AIDA: variants seen among roughly 807,000 people sequenced by gnomAD.
AIDA encodes axin interactor, dorsalization-associated protein.
AIDA carries 18 observed loss-of-function variants against 42.7 expected under a neutral mutation model. The ratio of observed to expected loss-of-function variants is 0.42; its 90% CI spans 0.29 to 0.63. The LOEUF (loss-of-function observed/expected upper bound fraction) is 0.63. Ranked by LOEUF, AIDA falls within the 20% of genes least tolerant of loss-of-function variation. AIDA has a pLI of 0.19. For missense variants in AIDA, 250 were observed against 354.1 expected, an observed-to-expected ratio of 0.71 and a Z score of 2.36; for synonymous variants, 104 against 122.9, an observed-to-expected ratio of 0.85 and a Z score of 1.02.
chr1:222,704,853 A>G (rs1385425723), intron 1 of AIDA, among the ~76,000 whole-genome samples: 1 of 152,208 alleles, frequency 6.6e-6, no homozygotes, highest in East Asian at 1.9e-4. Flanking sequence ...CTGGCATAAG[A>G]ATTTGAAAAT....
intron 1 of AIDA, among the ~76,000 whole-genome samples, chr1:222,707,947 A>G (rs2124971364): frequency 1.3e-5 from 2 of 152,352 alleles, no homozygotes; most frequent in Non-Finnish European, 2.9e-5. Context: ...GCACAGCAGT[A>G]ACAGTTTACA....
chr1:222,669,535 T>A lies in AIDA; in HGVS notation c.*358A>T, dbSNP rs1230880238. 1.4e-5 allele frequency: 3 copies of A among 211,538 alleles called. No homozygotes were observed. The East Asian group carries it at 3.3e-4, about 23-fold the overall frequency. The allele number at this position is 211,538 out of a possible 1,614,324, so 13.1% of individuals were successfully genotyped here. On this transcript the variant is annotated 3_prime_UTR_variant, in exon 10 of 10. Coordinates refer to ENST00000340020, the MANE Select transcript of AIDA (RefSeq NM_022831.4). ...AACAGATGTGTAAACTCTAGCACAT[T>A]CTTATTGCTGTATTAAGTCTGAAGA...
chr1:222,679,777 C>T (rs957253781), intron 6 of AIDA, among the ~76,000 whole-genome samples: 3 of 152,334 alleles, frequency 2.0e-5, no homozygotes, highest in South Asian at 4.1e-4. Flanking sequence ...ATGACCTCCC[C>T]ATCTCAAGGT....
intron 2 of AIDA, among the ~76,000 whole-genome samples, chr1:222,701,414 T>C (rs948041844): frequency 8.5e-5 from 13 of 152,206 alleles, no homozygotes; most frequent in Non-Finnish European, 1.9e-4. Context: ...AAACATTTTT[T>C]AATTCCTTAA....
chr1:222,698,364 A>G (rs1446651702), intron 2 of AIDA, among the ~76,000 whole-genome samples: 1 of 152,236 alleles, frequency 6.6e-6, no homozygotes, highest in Non-Finnish European at 1.5e-5. Flanking sequence ...ATTTATCTAA[A>G]AAACAGAATT....
chr1:222,694,391 G>T, intron 2 of AIDA, 128 bp from the exon 3 acceptor site: 1 of 820,822 alleles, frequency 1.2e-6, no homozygotes. Context: ...TTTCTTTCTA[G>T]CATCTTTCAG....
intron 2 of AIDA, among the ~76,000 whole-genome samples, chr1:222,699,730 T>A (rs1655630474): frequency 6.6e-6 from 1 of 152,214 alleles, no homozygotes; most frequent in Non-Finnish European, 1.5e-5. Context: ...TGGCTTTTTT[T>A]GGCCCGCTGT....
chr1:222,687,148 G>A, intron 5 of AIDA, 112 bp from the exon 6 acceptor site: 3 of 1,493,576 alleles, frequency 2.0e-6, no homozygotes, highest in Non-Finnish European at 2.7e-6. Flanking sequence ...AATGCTGATA[G>A]GCCGGGTGTG....
chr1:222,685,695 G>A (rs1033141461), intron 6 of AIDA, among the ~76,000 whole-genome samples: 9 of 152,134 alleles, frequency 5.9e-5, no homozygotes, highest in African/African-American at 2.2e-4. Flanking sequence ...TTTACCCAGG[G>A]TGCTTGCCAA....
chr1:222,704,158 G>C (rs1655781283), intron 1 of AIDA, among the ~76,000 whole-genome samples: 1 of 152,178 alleles, frequency 6.6e-6, no homozygotes, highest in Non-Finnish European at 1.5e-5. Context: ...CCTTATGGGG[G>C]AAAGAGAGAG....
chr1:222,684,652 GA>G (rs545878716), intron 6 of AIDA, among the ~76,000 whole-genome samples: 34 of 152,042 alleles, frequency 2.2e-4, no homozygotes, highest in South Asian at 6.2e-4. Flanking sequence ...TTTTAGGGGG[GA>G]AAAAAATTCA....
chr1:222,686,568 G>T (rs567777185), intron 6 of AIDA, among the ~76,000 whole-genome samples: 1 of 152,294 alleles, frequency 6.6e-6, no homozygotes, highest in East Asian at 1.9e-4. Context: ...ACTGGAAGGG[G>T]ATTCTTGAAA....
At chr1:222,672,869 C>G (rs1664473769) in intron 8 of AIDA, among the ~76,000 whole-genome samples, 1 of 152,186 alleles carries the variant, frequency 6.6e-6, no homozygotes, top group Admixed American at 6.5e-5. Flanking sequence ...GGAAATGTAG[C>G]CTCACTATTT....
At chr1:222,690,337 C>T (rs921775527) in intron 4 of AIDA, among the ~76,000 whole-genome samples, 1 of 152,226 alleles carries the variant, frequency 6.6e-6, no homozygotes, top group African/African-American at 2.4e-5. Flanking sequence ...TCAATGATTA[C>T]ATTCTGGCAT....
chr1:222,704,471 T>C (rs1655790131), intron 1 of AIDA, among the ~76,000 whole-genome samples: 1 of 151,882 alleles, frequency 6.6e-6, no homozygotes, highest in Non-Finnish European at 1.5e-5. Flanking sequence ...AATTATTCAG[T>C]CAAAAAGAGG....
intron 8 of AIDA, among the ~76,000 whole-genome samples, chr1:222,672,072 G>C (rs1664458960): frequency 6.6e-6 from 1 of 152,116 alleles, no homozygotes; most frequent in Non-Finnish European, 1.5e-5. Context: ...GGAAGATTAA[G>C]TTAAAATGTT....
At chr1:222,673,947 C>A (rs1664498355) in intron 7 of AIDA, among the ~76,000 whole-genome samples, 4 of 150,912 alleles carry the variant, frequency 2.7e-5, no homozygotes, top group Admixed American at 2.0e-4. Flanking sequence ...ATTAGCCAGG[C>A]GTGGTGGTGC....
intron 2 of AIDA, 110 bp from the exon 3 acceptor site, chr1:222,694,373 A>G: frequency 1.1e-6 from 1 of 950,538 alleles, no homozygotes; most frequent in Non-Finnish European, 1.6e-6. Flanking sequence ...TAAGTAAGTT[A>G]AATTTTATTT....
At chr1:222,695,407 G>A (rs1246789560) in intron 2 of AIDA, among the ~76,000 whole-genome samples, 2 of 152,148 alleles carry the variant, frequency 1.3e-5, no homozygotes, top group Admixed American at 1.3e-4. Flanking sequence ...CGGGAGAATC[G>A]CTTAAACCTG....
Sources: gnomAD v4.1 joint callset for allele counts (sites outside exome capture counted in the v4.1 genomes callset) on GRCh38, gnomAD v4.1.1 for gene constraint, MANE v1.5 for transcripts, NCBI Gene and HGNC (gene_info 2026-07-23, HGNC 2026-07-21) for gene names.